Variants in GTF2A1L observed in about 807,000 individuals in gnomAD.
GTF2A1L encodes TFIIA-alpha and beta-like factor.
In GTF2A1L, 48 loss-of-function variants were observed where a neutral mutation model predicts 49.7. The observed-to-expected ratio is 0.97, with a 90% CI of 0.77 to 1.23. The LOEUF is 1.23. GTF2A1L is among the 50% of genes most tolerant of loss of function. The probability of loss-of-function intolerance (pLI) is 0.00; values close to 1 mark genes in which losing one functional copy is unlikely to be tolerated. For synonymous variants in GTF2A1L, 246 were observed against 193.5 expected (o/e 1.27, Z -2.25); for missense variants, 736 against 564.8 (o/e 1.30, Z -3.07).
At chr2:48,655,083 A>G (rs1006139552) in intron 6 of GTF2A1L, among the ~76,000 whole-genome samples, 2 of 152,132 alleles carry the variant, frequency 1.3e-5, no homozygotes, top group African/African-American at 4.8e-5. Flanking sequence ...TAGATCAGTA[A>G]GGGGAATTGA....
Position 48,642,453 on chromosome 2 carries a change from A to T in GTF2A1L, c.299A>T (p.Glu100Val), listed in dbSNP as rs765895158. ...ACTCTTCCAAGTTTTACCACAGCAG[A>T]ACTGGTATGTAGCTTACTTAAAATA... is the stretch of plus-strand genomic sequence containing the variant. ...GRTLPSFTTAELGTSNSSANF... is the reference protein window; with the variant it reads ...GRTLPSFTTAVLGTSNSSANF... The change falls in exon 4 of 9, where the codon GAA (glutamate) becomes GTA (valine). Residue 100 changes from glutamate to valine, a missense_variant. Coordinates refer to ENST00000403751, the MANE Select transcript of GTF2A1L (RefSeq NM_006872.5). The T allele has an allele frequency of 6.3e-7, 1 of 1,589,356 alleles. No homozygotes were observed. Among genetic ancestry groups the T allele is most frequent in the South Asian group, 1.2e-5 (1 of 85,922 alleles).
intron 8 of GTF2A1L, among the ~76,000 whole-genome samples, chr2:48,677,892 A>C (rs149408905): frequency 2.0e-5 from 3 of 151,868 alleles, no homozygotes; most frequent in Non-Finnish European, 4.4e-5. Context: ...TCTTAGAAGA[A>C]TAAGTGGTCA....
intron 6 of GTF2A1L, among the ~76,000 whole-genome samples, chr2:48,667,199 T>C (rs920401268): frequency 6.6e-6 from 1 of 151,636 alleles, no homozygotes; most frequent in Non-Finnish European, 1.5e-5. Context: ...GCTCAAGCAA[T>C]CTGCCAGCTT....
intron 6 of GTF2A1L, among the ~76,000 whole-genome samples, chr2:48,647,881 T>A (rs1677615292): frequency 6.6e-6 from 1 of 152,122 alleles, no homozygotes; most frequent in Non-Finnish European, 1.5e-5. Flanking sequence ...ATAAAATACA[T>A]CTTGTGGCTA....
chr2:48,621,345 T>G (rs777340717), intron 3 of GTF2A1L, 55 bp downstream of exon 3: 1 of 1,611,180 alleles, frequency 6.2e-7, no homozygotes, highest in Admixed American at 1.7e-5. Flanking sequence ...AAATTCTCAT[T>G]TGGGAATGTT....
chr2:48,644,470 A>G (rs1677381203), intron 4 of GTF2A1L, among the ~76,000 whole-genome samples: 1 of 152,082 alleles, frequency 6.6e-6, no homozygotes, highest in Non-Finnish European at 1.5e-5. Context: ...TATTTCCAGC[A>G]TTTTTCTAAT....
chr2:48,635,878 AC>A (rs1676860294), intron 3 of GTF2A1L, among the ~76,000 whole-genome samples: 1 of 152,008 alleles, frequency 6.6e-6, no homozygotes, highest in African/African-American at 2.4e-5. Flanking sequence ...AGCGTCTCCA[AC>A]CCTTTCCCCA....
chr2:48,656,170 G>A (rs1678157271), intron 6 of GTF2A1L, among the ~76,000 whole-genome samples: 1 of 151,930 alleles, frequency 6.6e-6, no homozygotes, highest in African/African-American at 2.4e-5. Context: ...TCAAATTCCT[G>A]TCTTTAATTT....
chr2:48,667,270 G>T (rs1475718122), intron 6 of GTF2A1L, among the ~76,000 whole-genome samples: 1 of 151,974 alleles, frequency 6.6e-6, no homozygotes, highest in Non-Finnish European at 1.5e-5. Flanking sequence ...CATTAATTTT[G>T]ATTGAATGTC....
At position 48,646,930 on chromosome 2, in the gene GTF2A1L, A is replaced by C; in HGVS notation, c.866A>C (p.Gln289Pro). Reference protein sequence around the residue: ...LSTSPHGALHQHVTDIQLHIL... With the variant: ...LSTSPHGALHPHVTDIQLHIL... ...ACAAGCCCTCATGGGGCTCTCCACC[A>C]GCACGTGACTGATATTCAGCTTCAT... Residue 289 changes from glutamine (Q) to proline (P), a missense_variant, in exon 6 of 9, where the codon CAG becomes CCG. Coordinates refer to ENST00000403751, the MANE Select transcript of GTF2A1L (RefSeq NM_006872.5). 6.2e-7 allele frequency: 1 copy of C among 1,614,210 alleles called. No individual in the cohort carries two copies. Among genetic ancestry groups the C allele is most frequent in the Non-Finnish European group, 8.5e-7 (1 of 1,180,032 alleles).
chr2:48,668,418 C>G (rs2104298249), intron 6 of GTF2A1L, among the ~76,000 whole-genome samples: 1 of 152,264 alleles, frequency 6.6e-6, no homozygotes, highest in African/African-American at 2.4e-5. Flanking sequence ...GATTCTGAAG[C>G]ATATATAATC....
chr2:48,621,481 A>T (rs141591768), intron 3 of GTF2A1L, among the ~76,000 whole-genome samples, 191 bp downstream of exon 3: 125 of 152,308 alleles, frequency 8.2e-4, no homozygotes, highest in African/African-American at 2.7e-3. Context: ...GGTTATTCGA[A>T]CTAGTTTTTA....
At chr2:48,647,109 A>T in intron 6 of GTF2A1L, 67 bp downstream of exon 6, 1 of 1,287,468 alleles carries the variant, frequency 7.8e-7, no homozygotes, top group Non-Finnish European at 1.0e-6. Flanking sequence ...GATATCCTGA[A>T]TATTTTCAAG....
intron 6 of GTF2A1L, among the ~76,000 whole-genome samples, chr2:48,650,552 G>C (rs1463346397): frequency 6.6e-6 from 1 of 152,012 alleles, no homozygotes; most frequent in Non-Finnish European, 1.5e-5. Context: ...AATATAAAAT[G>C]TCCTATCAAT....
intron 6 of GTF2A1L, among the ~76,000 whole-genome samples, chr2:48,654,682 A>G (rs977656884): frequency 4.6e-5 from 7 of 152,156 alleles, no homozygotes; most frequent in African/African-American, 1.7e-4. Context: ...CCGTGCCTGG[A>G]TAGCTCATTT....
At chr2:48,618,295 G>A (rs1037045868) in intron 1 of GTF2A1L, among the ~76,000 whole-genome samples, 2 of 152,154 alleles carry the variant, frequency 1.3e-5, no homozygotes, top group African/African-American at 4.8e-5. Flanking sequence ...AAATAACAAT[G>A]TGATATCTCA....
intron 3 of GTF2A1L, among the ~76,000 whole-genome samples, chr2:48,638,795 A>T (rs1677044323): frequency 6.6e-6 from 1 of 152,220 alleles, no homozygotes; most frequent in Admixed American, 6.5e-5. Flanking sequence ...CCCTATTTGC[A>T]GATGATATGA....
intron 3 of GTF2A1L, chr2:48,632,549 A>AT (rs1676639948): frequency 6.6e-6 from 1 of 152,622 alleles, no homozygotes; most frequent in Non-Finnish European, 1.5e-5. Context: ...TGCCCAGCTA[A>AT]TTTTTTTATT....
At position 48,646,999 on chromosome 2, in the gene GTF2A1L, C is replaced by T; in HGVS notation, c.935C>T (p.Pro312Leu). 6.2e-7 allele frequency: 1 copy of T among 1,613,576 alleles called. No individual in the cohort carries two copies. Among genetic ancestry groups the T allele is most frequent in the Non-Finnish European group, 8.5e-7 (1 of 1,179,830 alleles). The change falls in exon 6 of 9, where the codon CCA (proline) becomes CTA (leucine). Residue 312 changes from proline to leucine, a missense_variant. Coordinates refer to ENST00000403751, the MANE Select transcript of GTF2A1L (RefSeq NM_006872.5). The part of the protein sequence containing the change: ...RMYGCDSVKQ[P>L]RNIEEPSNIP... ...TATGGATGTGATTCTGTAAAGCAACCAAGAAATATAGAGGAACCCAGCAAC... is the reference window on the plus strand; with the variant it reads ...TATGGATGTGATTCTGTAAAGCAACTAAGAAATATAGAGGAACCCAGCAAC...
Sources: allele counts gnomAD v4.1 joint callset (sites outside exome capture counted in the v4.1 genomes callset), GRCh38; gene constraint gnomAD v4.1.1; transcripts MANE v1.5; gene names NCBI Gene and HGNC (gene_info 2026-07-23, HGNC 2026-07-21).